Variants in ROBO1 observed in about 807,000 individuals in gnomAD.
The protein encoded by ROBO1 is roundabout homolog 1.
ROBO1 carries 149 observed loss-of-function variants against 195.9 expected under a neutral mutation model. The observed-to-expected ratio is 0.76, with a 90% CI of 0.67 to 0.87. The LOEUF is 0.87. Among genes scored for constraint, ROBO1 ranks in the 40% least tolerant of loss-of-function variants. The probability of loss-of-function intolerance (pLI) is 0.00; values close to 1 mark genes in which losing one functional copy is unlikely to be tolerated. For missense variants in ROBO1, 1,933 were observed against 2,068.3 expected, an observed-to-expected ratio of 0.93 and a Z score of 1.27; for synonymous variants, 816 against 733.2, an observed-to-expected ratio of 1.11 and a Z score of -1.82.
chr3:79,536,934 G>T, intron 2 of ROBO1, among the ~76,000 whole-genome samples: 1 of 151,974 alleles, frequency 6.6e-6, no homozygotes, highest in Non-Finnish European at 1.5e-5. Context: ...GGTTGCTATG[G>T]GATCTAGTGA....
At chr3:79,000,917 T>C (rs2077486329) in intron 3 of ROBO1, among the ~76,000 whole-genome samples, 1 of 152,150 alleles carries the variant, frequency 6.6e-6, no homozygotes, top group Non-Finnish European at 1.5e-5. Flanking sequence ...GTGGCACGTA[T>C]ACACCATGGA....
chr3:78,856,310 A>C, intron 4 of ROBO1, among the ~76,000 whole-genome samples: 1 of 147,144 alleles, frequency 6.8e-6, no homozygotes, highest in African/African-American at 2.7e-5. Context: ...AAAAAAAAAC[A>C]GTATGAGAAA....
chr3:79,016,874 A>T (rs769091397), intron 3 of ROBO1, among the ~76,000 whole-genome samples: 12 of 152,222 alleles, frequency 7.9e-5, no homozygotes, highest in South Asian at 2.1e-4. Flanking sequence ...AGACACAGCC[A>T]AGGGAGGCAA....
chr3:78,786,375 CTT>C (rs1023354168), intron 4 of ROBO1, among the ~76,000 whole-genome samples: 4 of 152,122 alleles, frequency 2.6e-5, no homozygotes, highest in Non-Finnish European at 5.9e-5. Flanking sequence ...TCTTGACACT[CTT>C]TTAAAATCAT....
At chr3:78,626,338 T>C (rs773217427) in intron 26 of ROBO1, among the ~76,000 whole-genome samples, 31 of 152,272 alleles carry the variant, frequency 2.0e-4, no homozygotes, top group Middle Eastern at 3.4e-3. Context: ...CACTGCCAGA[T>C]AGAAGAAAGC....
chr3:79,701,056 C>A (rs1045009262), intron 1 of ROBO1, among the ~76,000 whole-genome samples: 2 of 151,746 alleles, frequency 1.3e-5, no homozygotes, highest in African/African-American at 4.8e-5. Context: ...AGCCATTTAT[C>A]CCATCACCAT....
At chr3:79,086,470 G>A (rs2079372456) in intron 3 of ROBO1, among the ~76,000 whole-genome samples, 2 of 152,102 alleles carry the variant, frequency 1.3e-5, no homozygotes, top group Admixed American at 6.6e-5. Context: ...AGTACAATAA[G>A]TAGATTAAGC....
At chr3:78,764,349 T>TG (rs1163792613) in intron 4 of ROBO1, among the ~76,000 whole-genome samples, 1 of 152,194 alleles carries the variant, frequency 6.6e-6, no homozygotes, top group Non-Finnish European at 1.5e-5. Context: ...AAATAGCTTA[T>TG]GAAAGCCCAT....
intron 19 of ROBO1, among the ~76,000 whole-genome samples, chr3:78,648,789 T>G (rs891338283): frequency 6.6e-5 from 10 of 152,082 alleles, no homozygotes; most frequent in Admixed American, 2.6e-4. Flanking sequence ...TTATCATGTA[T>G]CAAAACACTG....
chr3:79,610,317 T>C (rs1371582864), intron 1 of ROBO1, among the ~76,000 whole-genome samples: 1 of 151,662 alleles, frequency 6.6e-6, no homozygotes, highest in East Asian at 1.9e-4. Context: ...TAATCAATAA[T>C]AAAATAGGAT....
rs150278295 is a variant in ROBO1 at position 79,214,027 on chromosome 3, T to C, written c.89-88488A>G. On this transcript the variant is annotated intron_variant, in intron 2 of 30. Transcript: ENST00000464233. Reference sequence around the variant, plus strand: ...TTTTAGTAGAGACGGGATTTCACCATGTTGGCCTGGCTGGTCTCGAATTCC... The same window carrying C: ...TTTTAGTAGAGACGGGATTTCACCACGTTGGCCTGGCTGGTCTCGAATTCC... 1.9e-3 allele frequency among the ~76,000 whole-genome samples: 296 copies of C among 151,966 alleles called. 1 individual carries two copies. Among genetic ancestry groups the C allele is most frequent in the African/African-American group, 6.8e-3 (283 of 41,446 alleles).
At chr3:79,017,781 T>C (rs1178729128) in intron 3 of ROBO1, among the ~76,000 whole-genome samples, 1 of 152,154 alleles carries the variant, frequency 6.6e-6, no homozygotes. Flanking sequence ...CCCTTTCCGA[T>C]GCTTGCAACC....
chr3:79,333,069 A>G (rs1442653115), intron 2 of ROBO1, among the ~76,000 whole-genome samples: 3 of 151,854 alleles, frequency 2.0e-5, no homozygotes, highest in African/African-American at 4.8e-5. Flanking sequence ...CAGGGGGGGT[A>G]GCATGCGCCT....
chr3:78,652,363 T>C (rs1322351539), intron 18 of ROBO1, among the ~76,000 whole-genome samples: 3 of 152,074 alleles, frequency 2.0e-5, no homozygotes, highest in Non-Finnish European at 4.4e-5. Context: ...CAATAAACTT[T>C]CTCAGACTTC....
chr3:79,134,972 G>A (rs1311868429), intron 2 of ROBO1, among the ~76,000 whole-genome samples: 1 of 144,442 alleles, frequency 6.9e-6, no homozygotes, highest in African/African-American at 2.6e-5. Context: ...GCACCAGCAT[G>A]GCACATGTAT....
intron 8 of ROBO1, among the ~76,000 whole-genome samples, chr3:78,706,575 C>A (rs2081557953): frequency 6.6e-6 from 1 of 152,004 alleles, no homozygotes. Flanking sequence ...CTCCTGGGCT[C>A]AAGTGATCCT....
chr3:78,956,102 A>T (rs2041034574), intron 3 of ROBO1, among the ~76,000 whole-genome samples: 1 of 152,132 alleles, frequency 6.6e-6, no homozygotes, highest in African/African-American at 2.4e-5. Flanking sequence ...TTAATGCAAA[A>T]TCTAAATTTT....
intron 1 of ROBO1, among the ~76,000 whole-genome samples, chr3:79,722,973 T>A (rs1702767596): frequency 6.6e-6 from 1 of 152,160 alleles, no homozygotes; most frequent in East Asian, 1.9e-4. Context: ...TGACATACAG[T>A]TAATATATTG....
chr3:78,776,386 G>C (rs6777737), intron 4 of ROBO1, among the ~76,000 whole-genome samples: 7,131 of 152,252 alleles, frequency 0.047, 552 homozygotes, highest in African/African-American at 0.16. Context: ...CAAGTAGCTA[G>C]AATTACAGGC....
Sources: gnomAD v4.1 joint callset for allele counts (sites outside exome capture counted in the v4.1 genomes callset) on GRCh38, gnomAD v4.1.1 for gene constraint, MANE v1.5 for transcripts, NCBI Gene and HGNC (gene_info 2026-07-23, HGNC 2026-07-21) for gene names.